Variants in PRPSAP1 observed in about 807,000 individuals in gnomAD.
PRPSAP1 encodes the protein phosphoribosyl pyrophosphate synthase-associated protein 1.
A neutral mutation model predicts 39.4 loss-of-function variants in PRPSAP1; 31 were observed. That is an observed-to-expected ratio of 0.79 (90% CI 0.59 to 1.06). PRPSAP1 has a LOEUF of 1.06. PRPSAP1 is among the 50% of genes least tolerant of loss of function. The pLI, the probability that PRPSAP1 is intolerant of heterozygous loss-of-function variation, is 0.00. For missense variants in PRPSAP1, 430 were observed against 511.6 expected (o/e 0.84, Z 1.54); for synonymous variants, 212 against 192.6 (o/e 1.10, Z -0.83).
chr17:76,315,193 G>A (rs1162929470), intron 7 of PRPSAP1, among the ~76,000 whole-genome samples: 4 of 152,184 alleles, frequency 2.6e-5, no homozygotes, highest in Admixed American at 2.0e-4. Context: ...GAAACTACAG[G>A]ATAAAGAAAG....
chr17:76,338,071 C>T (rs1426294828), intron 3 of PRPSAP1, among the ~76,000 whole-genome samples: 1 of 152,100 alleles, frequency 6.6e-6, no homozygotes, highest in Non-Finnish European at 1.5e-5. Context: ...TTCAATTACC[C>T]AAAATAATCA....
At chr17:76,349,232 A>T (rs1434791702) in intron 1 of PRPSAP1, among the ~76,000 whole-genome samples, 2 of 150,036 alleles carry the variant, frequency 1.3e-5, no homozygotes, top group Admixed American at 6.8e-5. Flanking sequence ...TGAACCCGGG[A>T]GGCGGAGGTT....
chr17:76,338,133 C>T (rs905200950), intron 3 of PRPSAP1, among the ~76,000 whole-genome samples: 5 of 152,060 alleles, frequency 3.3e-5, no homozygotes, highest in African/African-American at 9.7e-5. Context: ...CTATCCTCAA[C>T]GACCAAAAGG....
At chr17:76,350,575 A>G (rs1488149208) in intron 1 of PRPSAP1, among the ~76,000 whole-genome samples, 4 of 152,218 alleles carry the variant, frequency 2.6e-5, no homozygotes, top group African/African-American at 9.6e-5. Flanking sequence ...TAGGCAATTC[A>G]TAGAGACAAA....
At chr17:76,328,627 AACAAAACAAC>A in intron 7 of PRPSAP1, 80 bp downstream of exon 7, 1 of 1,496,638 alleles carries the variant, frequency 6.7e-7, no homozygotes, top group South Asian at 1.2e-5. Flanking sequence ...AACAAAACAA[AACAAAACAAC>A]AACAACAAAA....
chr17:76,336,185 G>A (rs1401230837), intron 3 of PRPSAP1, among the ~76,000 whole-genome samples: 5 of 151,932 alleles, frequency 3.3e-5, no homozygotes, highest in South Asian at 2.1e-4. Flanking sequence ...GGTGGCTCAC[G>A]CCAGTAATCC....
chr17:76,348,345 C>T (rs1346945456), intron 2 of PRPSAP1, among the ~76,000 whole-genome samples, 184 bp downstream of exon 2: 9 of 151,326 alleles, frequency 5.9e-5, no homozygotes, highest in Admixed American at 4.7e-4. Flanking sequence ...TGGTGGCGGG[C>T]GTCTGTAATC....
intron 7 of PRPSAP1, chr17:76,314,514 A>G (rs455179): frequency 0.3 from 44,960 of 152,140 alleles, 9,991 homozygotes; most frequent in African/African-American, 0.63. Flanking sequence ...ACCACGCCCA[A>G]CCTGATATAA....
intron 7 of PRPSAP1, among the ~76,000 whole-genome samples, chr17:76,316,068 C>A (rs2071120047): frequency 1.3e-5 from 2 of 150,528 alleles, no homozygotes; most frequent in Admixed American, 1.3e-4. Flanking sequence ...ATCCTAGCTA[C>A]TCAGGAGACT....
chr17:76,354,170 G>T (rs553071057), upstream of PRPSAP1: 3 of 989,754 alleles, frequency 3.0e-6, no homozygotes, highest in African/African-American at 3.5e-5. Context: ...CAACATGTCC[G>T]CCTCCGAGGA....
At chr17:76,343,535 T>G (rs2071462714) in intron 3 of PRPSAP1, among the ~76,000 whole-genome samples, 1 of 152,212 alleles carries the variant, frequency 6.6e-6, no homozygotes, top group Non-Finnish European at 1.5e-5. Flanking sequence ...AAACCCTTTG[T>G]CCTTGAGGAG....
intron 7 of PRPSAP1, chr17:76,314,302 C>T (rs1598515532): frequency 4.7e-6 from 1 of 212,314 alleles, no homozygotes; most frequent in East Asian, 1.4e-4. Context: ...TCACTGCAAC[C>T]TCCGCCTCCC....
intron 7 of PRPSAP1, chr17:76,314,158 C>T (rs982956007): frequency 4.3e-6 from 2 of 460,300 alleles, no homozygotes; most frequent in Non-Finnish European, 4.0e-6. Flanking sequence ...TTATTTTATG[C>T]AATTCCCAAA....
chr17:76,314,231 T>TGTA, intron 7 of PRPSAP1: 30 of 271,702 alleles, frequency 1.1e-4, no homozygotes, highest in East Asian at 1.9e-4. Flanking sequence ...TATGTATGTA[T>TGTA]TTTTTGAGAC....
At position 76,311,640 on chromosome 17, in the gene PRPSAP1, T is replaced by A; in HGVS notation, c.1060A>T (p.Thr354Ser). 1.9e-6 allele frequency: 3 copies of A among 1,614,180 alleles called. No individual in the cohort carries two copies. The highest frequency in any genetic ancestry group is 2.5e-6 in the Non-Finnish European group (3 of 1,180,020). ...GAAAGAATCAAACTGATATCCACAGTCTTTATCTTGGGACATTGCAGCTTC... is the reference window on the plus strand; with the variant it reads ...GAAAGAATCAAACTGATATCCACAGACTTTATCTTGGGACATTGCAGCTTC... ...VQKLQCPKIK[T>S]VDISLILSEA... The change falls in exon 10 of 10, where the codon ACT becomes TCT. Residue 354 changes from threonine to serine, a missense_variant. Thr to Ser is a moderately conservative substitution (Grantham distance 58). Around this residue, in one of 2 missense-constraint regions of PRPSAP1, gnomAD observed 278 missense variants for 376.3 expected, o/e 0.74. Coordinates refer to ENST00000446526, the MANE Select transcript of PRPSAP1 (RefSeq NM_002766.3).
At chr17:76,314,797 A>ATT (rs1329051845) in intron 7 of PRPSAP1, 1 of 152,286 alleles carries the variant, frequency 6.6e-6, no homozygotes, top group Non-Finnish European at 1.5e-5. Context: ...GCACAGCTGG[A>ATT]AAGACAACGA....
chr17:76,319,522 G>A lies in PRPSAP1; in HGVS notation c.782-5631C>T, dbSNP rs997017668. ...CTTGCTCTGTCACCCACGCTGGAATGCAGTGGCACCATCTTGGCTCACTGC... is the reference window on the plus strand; with the variant it reads ...CTTGCTCTGTCACCCACGCTGGAATACAGTGGCACCATCTTGGCTCACTGC... On this transcript the variant is annotated intron_variant, in intron 7 of 9. Coordinates refer to ENST00000446526, the MANE Select transcript of PRPSAP1 (RefSeq NM_002766.3). 11 of 152,010 alleles carry A rather than the reference G, an allele frequency of 7.2e-5. No individual in the cohort carries two copies. In the South Asian group the frequency reaches 1.2e-3, roughly 17 times the overall value. The allele number at this position is 152,010 out of a possible 1,614,324, so 9.4% of individuals were successfully genotyped here.
chr17:76,341,739 A>C (rs2071441544), intron 3 of PRPSAP1, among the ~76,000 whole-genome samples: 1 of 152,156 alleles, frequency 6.6e-6, no homozygotes, highest in Non-Finnish European at 1.5e-5. Context: ...GGAGATCGAG[A>C]CCATCCTGGC....
chr17:76,348,497 A>C lies in PRPSAP1; in HGVS notation c.223+32T>G, dbSNP rs148245058. ...CAAAAAAACTAAATAAATAAAAAATAATTTTAAAAAAAAGAAATAATTTTA... is the reference window on the plus strand; with the variant it reads ...CAAAAAAACTAAATAAATAAAAAATCATTTTAAAAAAAAGAAATAATTTTA... On this transcript the variant is annotated intron_variant, in intron 2 of 9. Transcript: ENST00000446526. 898 of 1,305,612 alleles carry C rather than the reference A, an allele frequency of 6.9e-4. 12 individuals are homozygous for C. The East Asian group carries it at 0.014, about 20-fold the overall frequency. The allele number at this position is 1,305,612 out of a possible 1,614,324, so 80.9% of individuals were successfully genotyped here.
Sources: allele counts gnomAD v4.1 joint callset (sites outside exome capture counted in the v4.1 genomes callset), GRCh38; gene constraint gnomAD v4.1.1; regional missense constraint gnomAD v4.1.1; transcripts MANE v1.5; gene names NCBI Gene and HGNC (gene_info 2026-07-23, HGNC 2026-07-21).